GPCPD1: variants seen among roughly 807,000 people sequenced by gnomAD.
GPCPD1 encodes the protein glycerophosphocholine phosphodiesterase GPCPD1.
A neutral mutation model predicts 89.2 loss-of-function variants in GPCPD1; 29 were observed. The ratio of observed to expected loss-of-function variants is 0.33; its 90% CI spans 0.24 to 0.44. The LOEUF (loss-of-function observed/expected upper bound fraction) is 0.44. GPCPD1 is among the 20% of genes least tolerant of loss of function. The pLI is 1.00. For synonymous variants in GPCPD1, 258 were observed against 266.3 expected (o/e 0.97, Z 0.30); for missense variants, 594 against 808.9 (o/e 0.73, Z 3.22).
intron 5 of GPCPD1, 54 bp from the exon 6 acceptor site, chr20:5,584,376 T>G: frequency 1.3e-6 from 1 of 757,568 alleles, no homozygotes; most frequent in South Asian, 1.5e-5. Flanking sequence ...GCATACCCAG[T>G]GAACAACTGA....
chr20:5,578,019 A>G (rs80167762), intron 8 of GPCPD1, among the ~76,000 whole-genome samples: 5,897 of 152,338 alleles, frequency 0.039, 156 homozygotes, highest in Non-Finnish European at 0.062. Context: ...CATCATAGTG[A>G]GAACTCAATC....
intron 19 of GPCPD1, among the ~76,000 whole-genome samples, chr20:5,551,991 A>G (rs1309327819): frequency 6.6e-6 from 1 of 152,234 alleles, no homozygotes; most frequent in East Asian, 1.9e-4. Flanking sequence ...AAAATAGCAT[A>G]AGCAGATTAT....
rs1165237604 is a variant in GPCPD1 at position 5,545,098 on chromosome 20, A to G, written c.*2563T>C. 6.6e-6 allele frequency: 1 copy of G among 152,242 alleles called. No individual in the cohort carries two copies. Among genetic ancestry groups the G allele is most frequent in the African/African-American group, 2.4e-5 (1 of 41,472 alleles). The allele number at this position is 152,242 out of a possible 1,614,324, so 9.4% of individuals were successfully genotyped here. ...ACATTTCACTTGATTTCCATAAAGT[A>G]TAAAATAATTTAACATTATACCTCT... On this transcript the variant is annotated 3_prime_UTR_variant, in exon 20 of 20. Transcript: ENST00000379019.
chr20:5,559,572 T>C (rs1985972576), intron 17 of GPCPD1, among the ~76,000 whole-genome samples: 1 of 130,712 alleles, frequency 7.7e-6, no homozygotes, highest in Admixed American at 7.7e-5. Context: ...AGTGAGATCC[T>C]GTCTCAAAAA....
At position 5,561,472 on chromosome 20, in the gene GPCPD1, T is replaced by C; in HGVS notation, c.1388A>G (p.Gln463Arg). 1 of 1,565,610 alleles carries C rather than the reference T, an allele frequency of 6.4e-7. No individual in the cohort carries two copies. Among genetic ancestry groups the C allele is most frequent in the South Asian group, 1.1e-5 (1 of 89,880 alleles). Reference sequence around the variant, plus strand: ...GCATAGAGAATTACTTACCCTTTGCTGGCAGATCCATTTTATTTCAATGTT... The same window carrying C: ...GCATAGAGAATTACTTACCCTTTGCCGGCAGATCCATTTTATTTCAATGTT... ...GFNIEIKWIC[Q>R]QRDGMWDGNL... is the part of the protein sequence containing the mutation. The change falls in exon 16 of 20, where the codon CAG becomes CGG. Residue 463 changes from glutamine (Q) to arginine (R), a missense_variant. Transcript: ENST00000379019.
intron 15 of GPCPD1, among the ~76,000 whole-genome samples, chr20:5,561,974 T>C (rs975318483): frequency 1.1e-4 from 17 of 152,234 alleles, no homozygotes; most frequent in African/African-American, 4.1e-4. Context: ...TTGAAGGTGA[T>C]GATGCTAAAC....
At position 5,568,627 on chromosome 20, in the gene GPCPD1, G is replaced by A. The variant is rs550559874; in HGVS notation, c.1150-1067C>T. Among the ~76,000 whole-genome samples the A allele has an allele frequency of 1.1e-4, 17 of 152,184 alleles. No individual in the cohort carries two copies. The East Asian group carries it at 2.1e-3, about 19-fold the overall frequency. ...TTCAGAAGTAAACTGTAGCTTGGCC[G>A]GGTGCAGTGGCTCACATCTGTAATC... On this transcript the variant is annotated intron_variant, in intron 12 of 19. Coordinates refer to ENST00000379019, the MANE Select transcript of GPCPD1 (RefSeq NM_019593.5).
At chr20:5,573,078 C>T (rs1986810193) in intron 11 of GPCPD1, among the ~76,000 whole-genome samples, 1 of 132,160 alleles carries the variant, frequency 7.6e-6, no homozygotes, top group Admixed American at 7.6e-5. Context: ...ACCATCAAAT[C>T]TTTCCTTCTT....
chr20:5,566,265 T>C (rs1208633546), intron 14 of GPCPD1, among the ~76,000 whole-genome samples: 1 of 152,072 alleles, frequency 6.6e-6, no homozygotes, highest in African/African-American at 2.4e-5. Flanking sequence ...TATATGAAAA[T>C]AAAGGATTTA....
chr20:5,581,991 T>C (rs967181643), intron 6 of GPCPD1, among the ~76,000 whole-genome samples: 5 of 148,800 alleles, frequency 3.4e-5, no homozygotes, highest in African/African-American at 4.9e-5. Flanking sequence ...GAGACCATCC[T>C]GGCTAACACG....
At chr20:5,557,909 T>C (rs191323937) in intron 19 of GPCPD1, 36 bp downstream of exon 19, 170 of 1,226,624 alleles carry the variant, frequency 1.4e-4, no homozygotes, top group East Asian at 1.7e-4. Context: ...TCTATACTTC[T>C]AAATTCCATG....
chr20:5,600,100 T>TC (rs1432463639), intron 2 of GPCPD1, among the ~76,000 whole-genome samples: 4 of 152,228 alleles, frequency 2.6e-5, no homozygotes, highest in African/African-American at 9.6e-5. Flanking sequence ...GACAGACTCC[T>TC]CCACATTCTG....
intron 6 of GPCPD1, among the ~76,000 whole-genome samples, chr20:5,581,813 A>ATTTTTTTTTTTTTT (rs1568664434): frequency 1.2e-5 from 1 of 82,810 alleles, no homozygotes; most frequent in African/African-American, 6.6e-5. Context: ...TGGGACTTTA[A>ATTTTTTTTTTTTTT]CTTTTTTTTT....
At chr20:5,589,813 T>C (rs1979198135) in intron 4 of GPCPD1, among the ~76,000 whole-genome samples, 1 of 152,188 alleles carries the variant, frequency 6.6e-6, no homozygotes, top group Non-Finnish European at 1.5e-5. Flanking sequence ...TCTGCCAAAA[T>C]TTTAAGCTTT....
chr20:5,576,396 GACA>G (rs1978288871), intron 8 of GPCPD1, among the ~76,000 whole-genome samples: 2 of 137,456 alleles, frequency 1.5e-5, no homozygotes, highest in African/African-American at 5.4e-5. Flanking sequence ...CTCCAGCCTG[GACA>G]ACAGAGCAAC....
At chr20:5,599,888 T>A (rs548624472) in intron 2 of GPCPD1, among the ~76,000 whole-genome samples, 1 of 152,318 alleles carries the variant, frequency 6.6e-6, no homozygotes, top group South Asian at 2.1e-4. Flanking sequence ...TAATGTATCA[T>A]TTCTTTTGAA....
intron 2 of GPCPD1, among the ~76,000 whole-genome samples, chr20:5,599,666 T>C (rs1361239841): frequency 6.6e-6 from 1 of 151,822 alleles, no homozygotes; most frequent in African/African-American, 2.4e-5. Context: ...GCAATTCTCC[T>C]GCCTCAGCCT....
At chr20:5,607,052 C>T (rs1366168968) in intron 1 of GPCPD1, among the ~76,000 whole-genome samples, 3 of 150,596 alleles carry the variant, frequency 2.0e-5, no homozygotes, top group Non-Finnish European at 3.0e-5. Context: ...TTTAGGAAGC[C>T]GAGGCGGGTG....
intron 13 of GPCPD1, 119 bp downstream of exon 13, chr20:5,567,364 T>C (rs917347389): frequency 2.7e-5 from 33 of 1,206,834 alleles, no homozygotes; most frequent in East Asian, 5.2e-5. Flanking sequence ...CCAAAGCACA[T>C]AGTCTACACA....
Sources: allele counts gnomAD v4.1 joint callset (sites outside exome capture counted in the v4.1 genomes callset), GRCh38; gene constraint gnomAD v4.1.1; transcripts MANE v1.5; gene names NCBI Gene and HGNC (gene_info 2026-07-23, HGNC 2026-07-21).